DNM1L: variants seen among roughly 807,000 people sequenced by gnomAD.
The protein encoded by DNM1L is dynamin-1-like protein.
Under a neutral mutation model 92.8 loss-of-function variants are expected in DNM1L, and 33 were observed. That is an observed-to-expected ratio of 0.36 (90% confidence interval 0.27 to 0.48). The LOEUF (loss-of-function observed/expected upper bound fraction) is 0.48. Among genes scored for constraint, DNM1L ranks in the 20% least tolerant of loss-of-function variants. The pLI is 0.99. For synonymous variants in DNM1L, 284 were observed against 305.0 expected (o/e 0.93, Z 0.72); for missense variants, 485 against 888.8 (o/e 0.55, Z 5.78).
chr12:32,717,323 CTA>C (rs1285068199), intron 6 of DNM1L, among the ~76,000 whole-genome samples: 5 of 62,286 alleles, frequency 8.0e-5, no homozygotes, highest in South Asian at 3.7e-4. Context: ...TATATATACA[CTA>C]TATATTTTAT....
In DNM1L at chr12:32,679,305, GC is replaced by G; in HGVS notation, c.-55del. 1.6e-6 allele frequency: 2 copies of G among 1,221,618 alleles called. No homozygotes were observed. Among genetic ancestry groups the G allele is most frequent in the Non-Finnish European group, 2.4e-6 (2 of 834,250 alleles). The allele number at this position is 1,221,618 out of a possible 1,614,324, so 75.7% of individuals were successfully genotyped here. A position where few individuals can be genotyped will look rare whatever the true frequency, so the allele number is the denominator to read the frequency against. On this transcript the variant is annotated 5_prime_UTR_variant, in exon 1 of 20. Coordinates refer to ENST00000549701, the MANE Select transcript of DNM1L (RefSeq NM_012062.5). ...AGAGGAGGAAGGAGGCGAACTGTGGGCCCCGGCCCCATTCATTGCCGTGGCC... is the reference window on the plus strand; with the variant it reads ...AGAGGAGGAAGGAGGCGAACTGTGGGCCCGGCCCCATTCATTGCCGTGGCC...
chr12:32,679,738 A>G, intron 1 of DNM1L: 1 of 1,137,740 alleles, frequency 8.8e-7, no homozygotes, highest in Non-Finnish European at 1.1e-6. Context: ...CGGGGACAGG[A>G]GAGGGAAGGA....
intron 6 of DNM1L, among the ~76,000 whole-genome samples, chr12:32,717,357 GTATA>G (rs1184483912): frequency 7.3e-5 from 4 of 54,942 alleles, no homozygotes; most frequent in Non-Finnish European, 1.3e-4. Context: ...ATTATATATA[GTATA>G]TATAATATAT....
At chr12:32,697,193 C>A (rs1388873968) in intron 1 of DNM1L, among the ~76,000 whole-genome samples, 1 of 151,930 alleles carries the variant, frequency 6.6e-6, no homozygotes, top group African/African-American at 2.4e-5. Context: ...TATGCCATTG[C>A]ACTCCAGCCT....
At chr12:32,719,520 C>T (rs1312318623) in intron 7 of DNM1L, among the ~76,000 whole-genome samples, 1 of 151,786 alleles carries the variant, frequency 6.6e-6, no homozygotes, top group Non-Finnish European at 1.5e-5. Flanking sequence ...TTAAAGGTAT[C>T]CTAATTTATA....
intron 14 of DNM1L, 52 bp downstream of exon 14, chr12:32,737,213 A>G (rs980588375): frequency 7.6e-6 from 12 of 1,583,064 alleles, no homozygotes; most frequent in African/African-American, 2.7e-5. Flanking sequence ...TAGATTGATG[A>G]GCTCAGAATA....
At chr12:32,739,609 CTT>C (rs778092187) in intron 16 of DNM1L, among the ~76,000 whole-genome samples, 37 of 152,314 alleles carry the variant, frequency 2.4e-4, no homozygotes, top group East Asian at 1.4e-3. Context: ...CATATAAACT[CTT>C]AAGTTCAGAG....
intron 1 of DNM1L, among the ~76,000 whole-genome samples, chr12:32,682,202 G>A (rs1951832026): frequency 6.6e-6 from 1 of 151,434 alleles, no homozygotes; most frequent in South Asian, 2.1e-4. Flanking sequence ...CCATGATCTT[G>A]GTTCACTGCA....
chr12:32,679,421 G>A lies in DNM1L; in HGVS notation c.58G>A (p.Ala20Thr). ...KLQDVFNTVG[A>T]DIIQLPQIVV... ...CCAGGACGTCTTCAACACGGTGGGC[G>A]CCGACATCATCCAGCTGCCTCAAAT... Residue 20 changes from alanine (A) to threonine (T), a missense_variant, in exon 1 of 20, where the codon GCC becomes ACC. Transcript: ENST00000549701. 1.9e-6 allele frequency: 3 copies of A among 1,613,620 alleles called. No homozygotes were observed. The highest frequency in any genetic ancestry group is 2.5e-6 in the Non-Finnish European group (3 of 1,179,892).
chr12:32,690,241 G>C (rs1234705724), intron 1 of DNM1L, among the ~76,000 whole-genome samples: 2 of 152,186 alleles, frequency 1.3e-5, no homozygotes, highest in Admixed American at 6.5e-5. Flanking sequence ...CATTTAGTCT[G>C]TGTGTGTTGA....
At chr12:32,725,382 A>T (rs576760026) in intron 9 of DNM1L, 1 of 152,226 alleles carries the variant, frequency 6.6e-6, no homozygotes, top group African/African-American at 2.4e-5. Flanking sequence ...CAAAGAAAAG[A>T]TGCTTAGTTA....
Position 32,743,868 on chromosome 12 carries a change from C to G in DNM1L, c.*458C>G, listed in dbSNP as rs1046548481. On this transcript the variant is annotated 3_prime_UTR_variant, in exon 20 of 20. Coordinates refer to ENST00000549701, the MANE Select transcript of DNM1L (RefSeq NM_012062.5). The stretch of plus-strand genomic sequence containing the variant: ...TCTGGCTTTGAAAGATGTGAGTTGG[C>G]AAGTTCCTCACATAGAGTCATTGTA... The G allele has an allele frequency of 6.1e-6, 1 of 162,954 alleles. No individual in the cohort carries two copies. Among genetic ancestry groups the G allele is most frequent in the Non-Finnish European group, 1.4e-5 (1 of 73,870 alleles). 10.1% of individuals were successfully genotyped at this position (162,954 alleles called of 1,614,324 possible).
At position 32,737,919 on chromosome 12, in the gene DNM1L, G is replaced by A. The variant is rs151232689; in HGVS notation, c.1651G>A (p.Ala551Thr). 84 of 1,613,722 alleles carry A rather than the reference G, an allele frequency of 5.2e-5. No individual in the cohort carries two copies. Among genetic ancestry groups the A allele is most frequent in the Non-Finnish European group, 6.6e-5 (78 of 1,179,990 alleles). The change falls in exon 15 of 20, where the codon GCT becomes ACT. Residue 551 changes from alanine to threonine, a missense_variant. Transcript: ENST00000549701. ...TGCCTCCCAGGAGCCCTCCCCCGCTGCTTCTGCTGAGGCTGATGGCAAGGT... is the reference window on the plus strand; with the variant it reads ...TGCCTCCCAGGAGCCCTCCCCCGCTACTTCTGCTGAGGCTGATGGCAAGGT... ...APASQEPSPA[A>T]SAEADGKLIQ...
At chr12:32,726,308 T>C in intron 9 of DNM1L, 1 of 1,261,468 alleles carries the variant, frequency 7.9e-7, no homozygotes, top group Non-Finnish European at 1.1e-6. Context: ...TACAAAAACA[T>C]AAGGCAGTAA....
chr12:32,697,062 C>G (rs56359906), intron 1 of DNM1L, among the ~76,000 whole-genome samples: 1 of 151,426 alleles, frequency 6.6e-6, no homozygotes, highest in African/African-American at 2.4e-5. Context: ...AACCCCGTCT[C>G]TACTAAAAAT....
At chr12:32,726,062 GA>G (rs796258918) in intron 9 of DNM1L, among the ~76,000 whole-genome samples, 16 of 146,752 alleles carry the variant, frequency 1.1e-4, no homozygotes, top group Admixed American at 2.0e-4. Flanking sequence ...AAAAAATTAC[GA>G]AAAAAAAAAG....
chr12:32,740,031 G>A, intron 16 of DNM1L, 33 bp from the exon 17 acceptor site: 1 of 1,613,996 alleles, frequency 6.2e-7, no homozygotes, highest in Non-Finnish European at 8.5e-7. Flanking sequence ...CAGATATGAT[G>A]TGGTTGGTAT....
chr12:32,704,549 TA>T (rs10600620), intron 2 of DNM1L, among the ~76,000 whole-genome samples: 94,936 of 144,984 alleles, frequency 0.65, 31,664 homozygotes, highest in East Asian at 0.87. Flanking sequence ...GACTCCGTCT[TA>T]AAAAAAAAAA....
chr12:32,711,047 G>GTAGAT (rs747158488), intron 5 of DNM1L, 32 bp downstream of exon 5: 20 of 1,594,238 alleles, frequency 1.3e-5, no homozygotes, highest in African/African-American at 1.2e-4. Context: ...ATTTGGTCAG[G>GTAGAT]TTGTTTTCAC....
Sources: gnomAD v4.1 joint callset for allele counts (sites outside exome capture counted in the v4.1 genomes callset) on GRCh38, gnomAD v4.1.1 for gene constraint, MANE v1.5 for transcripts, NCBI Gene and HGNC (gene_info 2026-07-23, HGNC 2026-07-21) for gene names.